CDK8: variants seen among roughly 807,000 people sequenced by gnomAD.
CDK8 encodes the protein cyclin-dependent kinase 8.
In CDK8, 29 loss-of-function variants were observed where a neutral mutation model predicts 71.5. That is an observed-to-expected ratio of 0.41 (90% CI 0.30 to 0.55). The LOEUF is 0.55. Ranked by LOEUF, CDK8 falls within the 20% of genes least tolerant of loss-of-function variation. CDK8 has a pLI of 0.37. For missense variants in CDK8, 288 were observed against 572.6 expected (o/e 0.50, Z 5.07); for synonymous variants, 161 against 192.1 (o/e 0.84, Z 1.34).
intron 1 of CDK8, among the ~76,000 whole-genome samples, chr13:26,325,996 T>A (rs965970945): frequency 6.6e-6 from 1 of 152,140 alleles, no homozygotes; most frequent in African/African-American, 2.4e-5. Context: ...ACATTTAAGG[T>A]TCTGGAGGTC....
chr13:26,358,016 C>A (rs1177331781), intron 4 of CDK8, among the ~76,000 whole-genome samples: 1 of 152,094 alleles, frequency 6.6e-6, no homozygotes, highest in Non-Finnish European at 1.5e-5. Context: ...AATTATTCAT[C>A]CTTGGCTGGG....
At chr13:26,315,548 A>G (rs868060249) in intron 1 of CDK8, among the ~76,000 whole-genome samples, 3 of 152,182 alleles carry the variant, frequency 2.0e-5, no homozygotes, top group Non-Finnish European at 4.4e-5. Context: ...ATTTATGGCT[A>G]TAATGAAGCT....
intron 1 of CDK8, among the ~76,000 whole-genome samples, chr13:26,280,597 G>A (rs1872706028): frequency 6.6e-6 from 1 of 152,210 alleles, no homozygotes; most frequent in African/African-American, 2.4e-5. Context: ...CTTTTCATAT[G>A]ATTAATGAAC....
rs1426745302 is a variant in CDK8, at chr13:26,254,899, G to C, written c.128+130G>C. The C allele has an allele frequency of 1.4e-5, 19 of 1,327,664 alleles. No individual in the cohort carries two copies. The highest frequency in any genetic ancestry group is 1.8e-5 in the Non-Finnish European group (18 of 975,162). The allele number at this position is 1,327,664 out of a possible 1,614,324, so 82.2% of individuals were successfully genotyped here. A position where few individuals can be genotyped will look rare whatever the true frequency, so the allele number is the denominator to read the frequency against. On this transcript the variant is annotated intron_variant, in intron 1 of 12. Coordinates refer to ENST00000381527, the MANE Select transcript of CDK8 (RefSeq NM_001260.3). The surrounding 1 kb of genome is among the most constrained non-coding windows in gnomAD (Gnocchi z 6.7). Reference sequence around the variant, plus strand: ...TTCCTCGACGCCGGCCTCTGGCTCCGCCAGCCAGGTTTGGGGAGGAAGTGG... The same window carrying C: ...TTCCTCGACGCCGGCCTCTGGCTCCCCCAGCCAGGTTTGGGGAGGAAGTGG...
At chr13:26,369,201 G>GTGGGAGGATTGCT (rs1874533360) in intron 4 of CDK8, among the ~76,000 whole-genome samples, 1 of 151,818 alleles carries the variant, frequency 6.6e-6, no homozygotes, top group South Asian at 2.1e-4. Context: ...GGAGGCTGAG[G>GTGGGAGGATTGCT]TGGGAGGATT....
chr13:26,330,627 GTT>G (rs1323581201), intron 1 of CDK8, among the ~76,000 whole-genome samples: 5 of 131,604 alleles, frequency 3.8e-5, no homozygotes, highest in Non-Finnish European at 8.9e-5. Context: ...TCCTTCACGT[GTT>G]CACATTTTTT....
At chr13:26,377,221 C>A (rs769047212) in intron 4 of CDK8, among the ~76,000 whole-genome samples, 11 of 152,366 alleles carry the variant, frequency 7.2e-5, no homozygotes, top group South Asian at 4.1e-4. Context: ...GGTGCAGCCC[C>A]AGCTCTGTGG....
chr13:26,289,331 G>A (rs529681846), intron 1 of CDK8, among the ~76,000 whole-genome samples: 23 of 152,234 alleles, frequency 1.5e-4, no homozygotes, highest in African/African-American at 5.3e-4. Context: ...GGGATTACAG[G>A]CATGAGCCAC....
At chr13:26,362,486 C>T (rs1172265275) in intron 4 of CDK8, among the ~76,000 whole-genome samples, 2 of 152,098 alleles carry the variant, frequency 1.3e-5, no homozygotes, top group Non-Finnish European at 2.9e-5. Flanking sequence ...TGTACAAGTC[C>T]CAGAGTCCAA....
chr13:26,353,612 G>A (rs1565983046), intron 3 of CDK8, 128 bp from the exon 4 acceptor site: 2 of 740,378 alleles, frequency 2.7e-6, no homozygotes, highest in East Asian at 2.7e-5. Context: ...ATTCAGCAGA[G>A]TACGAAATTA....
chr13:26,320,887 A>T (rs1368680654), intron 1 of CDK8, among the ~76,000 whole-genome samples: 1 of 152,214 alleles, frequency 6.6e-6, no homozygotes, highest in Non-Finnish European at 1.5e-5. Context: ...GTTGGCAAGA[A>T]TGTGGAGAAA....
chr13:26,357,161 A>G (rs1198716662), intron 4 of CDK8, among the ~76,000 whole-genome samples: 1 of 152,226 alleles, frequency 6.6e-6, no homozygotes, highest in Admixed American at 6.5e-5. Flanking sequence ...TTAATAAATA[A>G]TGATTTATTT....
chr13:26,320,235 A>G (rs1874709800), intron 1 of CDK8, among the ~76,000 whole-genome samples: 1 of 151,904 alleles, frequency 6.6e-6, no homozygotes, highest in South Asian at 2.1e-4. Context: ...CCTTGTCTCT[A>G]CAAAAAAATT....
intron 1 of CDK8, among the ~76,000 whole-genome samples, chr13:26,255,092 G>GTT (rs901544434): frequency 2.9e-5 from 4 of 138,346 alleles, no homozygotes; most frequent in African/African-American, 1.2e-4. Flanking sequence ...AATGTTTTTT[G>GTT]TTTTTTTTTT....
chr13:26,381,365 G>A (rs563610713), intron 4 of CDK8, among the ~76,000 whole-genome samples: 19 of 152,094 alleles, frequency 1.2e-4, no homozygotes, highest in African/African-American at 4.1e-4. Flanking sequence ...ATTGATTACC[G>A]TGGTGCATGA....
chr13:26,353,693 C>G (rs1873775168), intron 3 of CDK8, 47 bp from the exon 4 acceptor site: 1 of 1,418,208 alleles, frequency 7.1e-7, no homozygotes. Flanking sequence ...ATCAAATTAT[C>G]TTTTCCTTTT....
chr13:26,394,098 T>C (rs1001344362), intron 7 of CDK8, among the ~76,000 whole-genome samples: 4 of 152,134 alleles, frequency 2.6e-5, no homozygotes, highest in Non-Finnish European at 4.4e-5. Flanking sequence ...TGGTATTAGA[T>C]CTCTCCAACT....
intron 1 of CDK8, among the ~76,000 whole-genome samples, chr13:26,295,623 T>C (rs760830275): frequency 5.3e-5 from 8 of 152,164 alleles, no homozygotes; most frequent in Admixed American, 2.0e-4. Flanking sequence ...ATAAATATAT[T>C]TGGGAGACGT....
intron 1 of CDK8, among the ~76,000 whole-genome samples, chr13:26,279,064 T>C (rs1233639753): frequency 6.6e-6 from 1 of 152,164 alleles, no homozygotes; most frequent in South Asian, 2.1e-4. Context: ...GGAGCCAGTG[T>C]GTCCCATAGA....
Sources: gnomAD v4.1 joint callset for allele counts (sites outside exome capture counted in the v4.1 genomes callset) on GRCh38, gnomAD v4.1.1 for gene constraint, Gnocchi (gnomAD v3.1) non-coding constraint, MANE v1.5 for transcripts, NCBI Gene and HGNC (gene_info 2026-07-23, HGNC 2026-07-21) for gene names.